TDRP: variants seen among roughly 807,000 people sequenced by gnomAD.
TDRP encodes testis development related protein.
Under a neutral mutation model 10.5 loss-of-function variants are expected in TDRP, and 12 were observed. The ratio of observed to expected loss-of-function variants is 1.15; its 90% confidence interval spans 0.73 to 1.86. The LOEUF (loss-of-function observed/expected upper bound fraction) is 1.86. Among genes scored for constraint, TDRP ranks in the 40% most tolerant of loss-of-function variants. The pLI is 0.00. For synonymous variants in TDRP, 139 were observed against 95.4 expected (o/e 1.46, Z -2.67); for missense variants, 353 against 229.2 (o/e 1.54, Z -3.49).
At chr8:514,645 T>A (rs1369534164) in intron 1 of TDRP, among the ~76,000 whole-genome samples, 1 of 152,188 alleles carries the variant, frequency 6.6e-6, no homozygotes, top group African/African-American at 2.4e-5. Flanking sequence ...CGGATCCACA[T>A]AAGCCAAGGA....
intron 1 of TDRP, among the ~76,000 whole-genome samples, chr8:534,806 C>A (rs1802301587): frequency 6.6e-6 from 1 of 152,090 alleles, no homozygotes; most frequent in African/African-American, 2.4e-5. Flanking sequence ...AATATGGAAT[C>A]CACAAATAAT....
intron 1 of TDRP, among the ~76,000 whole-genome samples, chr8:509,172 C>T (rs569848436): frequency 6.6e-6 from 1 of 152,336 alleles, no homozygotes; most frequent in Non-Finnish European, 1.5e-5. Context: ...TGAGTGTCTG[C>T]AGCTTTTCCA....
intron 1 of TDRP, among the ~76,000 whole-genome samples, chr8:501,434 C>T (rs1015823509): frequency 1.3e-5 from 2 of 151,806 alleles, no homozygotes; most frequent in African/African-American, 4.8e-5. Flanking sequence ...GCAACATCCA[C>T]CTCCCAGGTT....
At chr8:502,393 T>C (rs1563118615) in intron 1 of TDRP, among the ~76,000 whole-genome samples, 1 of 152,158 alleles carries the variant, frequency 6.6e-6, no homozygotes, top group Admixed American at 6.6e-5. Context: ...TTCACCAAAT[T>C]GCAGGGTGCC....
chr8:500,642 T>C (rs1005868774), intron 1 of TDRP, among the ~76,000 whole-genome samples: 1 of 152,248 alleles, frequency 6.6e-6, no homozygotes, highest in African/African-American at 2.4e-5. Context: ...TTTCATTAAA[T>C]GTAAAATTCA....
In TDRP at chr8:490,276, T is replaced by C. The variant is rs1369606448; in HGVS notation, c.*2123A>G. ...CACAGAAGAAAAAATCATTTTTACATTAGTCTTTGTAGATAAGAAAAATTT... is the reference window on the plus strand; with the variant it reads ...CACAGAAGAAAAAATCATTTTTACACTAGTCTTTGTAGATAAGAAAAATTT... On this transcript the variant is annotated 3_prime_UTR_variant, in exon 3 of 3. Coordinates refer to ENST00000324079, the MANE Select transcript of TDRP (RefSeq NM_001384899.1). The C allele has an allele frequency of 2.2e-4, 34 of 152,256 alleles. No individual in the cohort carries two copies. The highest frequency in any genetic ancestry group is 2.2e-3 in the Admixed American group (34 of 15,288). 9.4% of individuals were successfully genotyped at this position (152,256 alleles called of 1,614,324 possible).
chr8:513,497 A>AT (rs1801672715), intron 1 of TDRP, among the ~76,000 whole-genome samples: 1 of 152,198 alleles, frequency 6.6e-6, no homozygotes, highest in African/African-American at 2.4e-5. Flanking sequence ...AAAGAAGGGA[A>AT]TTTCCTCAAC....
intron 1 of TDRP, among the ~76,000 whole-genome samples, chr8:497,176 C>A (rs541199929): frequency 7.2e-5 from 11 of 152,222 alleles, no homozygotes; most frequent in Admixed American, 6.5e-4. Context: ...TCTGGAGGGT[C>A]CAGAAGAAGA....
chr8:499,977 G>A (rs1028573449), intron 1 of TDRP, among the ~76,000 whole-genome samples: 1 of 152,162 alleles, frequency 6.6e-6, no homozygotes, highest in Non-Finnish European at 1.5e-5. Flanking sequence ...CTATGGGAAG[G>A]CAGAAAAAAC....
chr8:523,959 G>A (rs565917189), intron 1 of TDRP, among the ~76,000 whole-genome samples: 3 of 152,274 alleles, frequency 2.0e-5, no homozygotes, highest in African/African-American at 7.2e-5. Context: ...GAACAAAAGT[G>A]GTAGCCAGGC....
At chr8:541,600 T>G (rs1200321564) in intron 1 of TDRP, among the ~76,000 whole-genome samples, 1 of 152,144 alleles carries the variant, frequency 6.6e-6, no homozygotes, top group Non-Finnish European at 1.5e-5. Context: ...CGGAGAAAGA[T>G]CTAAACAGAC....
In TDRP at chr8:492,034, G is replaced by A. The variant is rs1309102124; in HGVS notation, c.*365C>T. 1.5e-5 allele frequency: 17 copies of A among 1,117,498 alleles called. No individual in the cohort carries two copies. Among genetic ancestry groups the A allele is most frequent in the Non-Finnish European group, 1.5e-5 (14 of 916,578 alleles). The allele number at this position is 1,117,498 out of a possible 1,614,324, so 69.2% of individuals were successfully genotyped here. A position where few individuals can be genotyped will look rare whatever the true frequency, so the allele number is the denominator to read the frequency against. ...TATACGTGCTACATACAAGAAAAAGGTACGGAAGTTCTGAAACAGAACTAC... is the reference window on the plus strand; with the variant it reads ...TATACGTGCTACATACAAGAAAAAGATACGGAAGTTCTGAAACAGAACTAC... On this transcript the variant is annotated 3_prime_UTR_variant, in exon 3 of 3. Transcript: ENST00000324079.
At chr8:518,263 T>C (rs62484424) in intron 1 of TDRP, among the ~76,000 whole-genome samples, 6 of 152,002 alleles carry the variant, frequency 3.9e-5, no homozygotes, top group Non-Finnish European at 8.8e-5. Context: ...CCCTTCAATT[T>C]TGCTGTGAAC....
intron 1 of TDRP, among the ~76,000 whole-genome samples, chr8:501,432 C>T (rs1584855515): frequency 6.6e-6 from 1 of 151,642 alleles, no homozygotes; most frequent in South Asian, 2.1e-4. Flanking sequence ...CTGCAACATC[C>T]ACCTCCCAGG....
At chr8:512,780 G>T (rs543535360) in intron 1 of TDRP, among the ~76,000 whole-genome samples, 3 of 152,058 alleles carry the variant, frequency 2.0e-5, no homozygotes, top group Admixed American at 1.3e-4. Flanking sequence ...TTTGAGAACA[G>T]CCTGGCCATG....
intron 1 of TDRP, 38 bp downstream of exon 1, chr8:544,612 C>T: frequency 8.2e-7 from 1 of 1,213,578 alleles, no homozygotes. Flanking sequence ...CTGCGCGCCC[C>T]CGGCCTACTA....
intron 1 of TDRP, among the ~76,000 whole-genome samples, chr8:511,044 C>A (rs1801603543): frequency 6.6e-6 from 1 of 152,004 alleles, no homozygotes; most frequent in African/African-American, 2.4e-5. Context: ...AAAATATACA[C>A]AATGCAAAAG....
chr8:532,841 GA>G (rs74518556), intron 1 of TDRP, among the ~76,000 whole-genome samples: 54,520 of 151,996 alleles, frequency 0.36, 11,956 homozygotes, highest in Non-Finnish European at 0.48. Flanking sequence ...ACCCAGCCAC[GA>G]TCGTTCATTT....
chr8:501,316 T>C (rs1387308612), intron 1 of TDRP, among the ~76,000 whole-genome samples: 1 of 152,102 alleles, frequency 6.6e-6, no homozygotes, highest in Non-Finnish European at 1.5e-5. Context: ...ATTTTAGTAT[T>C]TCATTATAAA....
Sources: gnomAD v4.1 joint callset for allele counts (sites outside exome capture counted in the v4.1 genomes callset) on GRCh38, gnomAD v4.1.1 for gene constraint, MANE v1.5 for transcripts, NCBI Gene and HGNC (gene_info 2026-07-23, HGNC 2026-07-21) for gene names.